LNPEP: variants seen among roughly 807,000 people sequenced by gnomAD.
LNPEP encodes leucyl-cystinyl aminopeptidase.
A neutral mutation model predicts 120.6 loss-of-function variants in LNPEP; 64 were observed. The observed-to-expected ratio is 0.53, with a 90% confidence interval of 0.43 to 0.65. The LOEUF (loss-of-function observed/expected upper bound fraction) is 0.65, where lower values mean the gene tolerates loss of function less well. Ranked by LOEUF, LNPEP falls within the 30% of genes least tolerant of loss-of-function variation. The pLI, the probability that LNPEP is intolerant of heterozygous loss-of-function variation, is 0.00. For synonymous variants in LNPEP, 435 were observed against 425.4 expected (o/e 1.02, Z -0.28); for missense variants, 1,057 against 1,200.0 (o/e 0.88, Z 1.76).
intron 1 of LNPEP, among the ~76,000 whole-genome samples, chr5:96,977,184 G>A (rs190273842): frequency 1.4e-4 from 22 of 152,134 alleles, no homozygotes; most frequent in African/African-American, 5.1e-4. Context: ...GCAGAAATGG[G>A]TGAAGTGAAA....
intron 8 of LNPEP, among the ~76,000 whole-genome samples, chr5:97,000,162 TAAAGC>T (rs1377947453): frequency 6.6e-6 from 1 of 152,016 alleles, no homozygotes; most frequent in East Asian, 1.9e-4. Context: ...AATATGAAAA[TAAAGC>T]ATGATAAGGG....
chr5:96,955,557 G>C (rs1789447901), intron 1 of LNPEP, among the ~76,000 whole-genome samples: 1 of 152,230 alleles, frequency 6.6e-6, no homozygotes. Flanking sequence ...AGAGGTTGTA[G>C]TGAGCCGAGA....
At chr5:97,024,208 A>G (rs27747) in intron 14 of LNPEP, among the ~76,000 whole-genome samples, 76,432 of 152,006 alleles carry the variant, frequency 0.5, 19,413 homozygotes, top group Middle Eastern at 0.58. Context: ...TTATTGCTCT[A>G]TACTTCGTAG....
At chr5:96,938,301 A>G (rs930611987) in intron 1 of LNPEP, among the ~76,000 whole-genome samples, 1 of 152,214 alleles carries the variant, frequency 6.6e-6, no homozygotes, top group Non-Finnish European at 1.5e-5. Flanking sequence ...TATGATTGCA[A>G]GATTTATCAA....
At chr5:96,961,650 C>T (rs1165653896) in intron 1 of LNPEP, among the ~76,000 whole-genome samples, 1 of 152,068 alleles carries the variant, frequency 6.6e-6, no homozygotes, top group African/African-American at 2.4e-5. Flanking sequence ...ATCCCCTCCC[C>T]CCTACCAAAA....
At chr5:97,003,068 GA>G (rs1247667857) in intron 8 of LNPEP, among the ~76,000 whole-genome samples, 1 of 152,156 alleles carries the variant, frequency 6.6e-6, no homozygotes, top group Non-Finnish European at 1.5e-5. Context: ...AGGTGCCACA[GA>G]AAATTTGGCA....
intron 8 of LNPEP, among the ~76,000 whole-genome samples, chr5:97,001,501 A>C (rs563258476): frequency 5.3e-5 from 8 of 152,304 alleles, no homozygotes; most frequent in Admixed American, 4.6e-4. Flanking sequence ...GCAGTTGGAT[A>C]TGGGTCTGAA....
intron 4 of LNPEP, among the ~76,000 whole-genome samples, chr5:96,992,305 TC>T (rs1462775069): frequency 1.3e-5 from 2 of 152,106 alleles, no homozygotes; most frequent in African/African-American, 4.8e-5. Flanking sequence ...TGTGTACAAC[TC>T]ATAAAACAAG....
At position 96,986,694 on chromosome 5, in the gene LNPEP, G is replaced by A. The variant is rs780965040; in HGVS notation, c.1131+24G>A. 4 of 1,610,886 alleles carry A rather than the reference G, an allele frequency of 2.5e-6. No individual in the cohort carries two copies. The East Asian group carries it at 8.9e-5, about 36-fold the overall frequency. On this transcript the variant is annotated intron_variant, in intron 4 of 17. Transcript: ENST00000231368. ...TGGTATGTTGATGTGGTAATTGTCT[G>A]AAAGCCTGTGTCACAAGAGGCTCAG...
At chr5:96,952,148 A>G (rs544861425) in intron 1 of LNPEP, among the ~76,000 whole-genome samples, 2 of 152,214 alleles carry the variant, frequency 1.3e-5, no homozygotes, top group African/African-American at 2.4e-5. Flanking sequence ...ATTTAAAAAA[A>G]AGAGAATTAT....
chr5:97,006,387 A>T (rs1423763572), intron 10 of LNPEP, 40 bp from the exon 11 acceptor site: 1 of 1,324,890 alleles, frequency 7.5e-7, no homozygotes, highest in African/African-American at 1.5e-5. Context: ...AAAAAAAAAA[A>T]ATCATATGTA....
intron 11 of LNPEP, 69 bp from the exon 12 acceptor site, chr5:97,013,579 C>A: frequency 2.6e-6 from 2 of 780,856 alleles, no homozygotes; most frequent in South Asian, 3.4e-5. Flanking sequence ...AAAAACAAAG[C>A]ACTCATAATT....
chr5:96,979,991 C>CAT lies in LNPEP; in HGVS notation c.860+13_860+14insAT. ...GTAATGAGAAAAAGTAGGTAGCCCT[C>CAT]TTAAATGATTCTGGTTTTACGCTCT... On this transcript the variant is annotated intron_variant, in intron 2 of 17. Coordinates refer to ENST00000231368, the MANE Select transcript of LNPEP (RefSeq NM_005575.3). 1 of 1,562,382 alleles carries CAT rather than the reference C, an allele frequency of 6.4e-7. No homozygotes were observed. Among genetic ancestry groups the CAT allele is most frequent in the Non-Finnish European group, 8.7e-7 (1 of 1,152,714 alleles).
At chr5:97,016,251 A>G (rs1791067571) in intron 13 of LNPEP, among the ~76,000 whole-genome samples, 1 of 152,162 alleles carries the variant, frequency 6.6e-6, no homozygotes, top group East Asian at 1.9e-4. Flanking sequence ...AGCAGCCTTA[A>G]TAAAAACCAG....
At chr5:97,014,738 C>T (rs1791021207) in intron 12 of LNPEP, among the ~76,000 whole-genome samples, 1 of 152,062 alleles carries the variant, frequency 6.6e-6, no homozygotes, top group African/African-American at 2.4e-5. Flanking sequence ...TTATCTTTCT[C>T]TTGAAATGCC....
intron 2 of LNPEP, among the ~76,000 whole-genome samples, chr5:96,982,931 G>T (rs1251201368): frequency 6.6e-6 from 1 of 151,776 alleles, no homozygotes; most frequent in African/African-American, 2.4e-5. Context: ...AGTTTTATTT[G>T]ATTCTAACAA....
At chr5:97,024,041 A>G (rs1791277793) in intron 14 of LNPEP, among the ~76,000 whole-genome samples, 1 of 152,168 alleles carries the variant, frequency 6.6e-6, no homozygotes, top group Non-Finnish European at 1.5e-5. Context: ...TTCAAGCATC[A>G]GATGAAGAGT....
At chr5:96,939,994 A>G (rs558937570) in intron 1 of LNPEP, among the ~76,000 whole-genome samples, 1 of 152,340 alleles carries the variant, frequency 6.6e-6, no homozygotes, top group Admixed American at 6.5e-5. Context: ...ATAGGAGCTC[A>G]TAGTTTCTCT....
At chr5:97,017,299 T>G (rs1479049166) in intron 13 of LNPEP, among the ~76,000 whole-genome samples, 1 of 152,186 alleles carries the variant, frequency 6.6e-6, no homozygotes, top group Non-Finnish European at 1.5e-5. Context: ...GCCCATCTTT[T>G]GCTTATTTTT....
Sources: allele counts gnomAD v4.1 joint callset (sites outside exome capture counted in the v4.1 genomes callset), GRCh38; gene constraint gnomAD v4.1.1; transcripts MANE v1.5; gene names NCBI Gene and HGNC (gene_info 2026-07-23, HGNC 2026-07-21).